FRMD4B: variants seen among roughly 807,000 people sequenced by gnomAD.
FRMD4B encodes FERM domain-containing protein 4B.
A neutral mutation model predicts 141.5 loss-of-function variants in FRMD4B; 74 were observed. The observed-to-expected ratio is 0.52, with a 90% CI of 0.43 to 0.63. The LOEUF (loss-of-function observed/expected upper bound fraction) is 0.63, where lower values mean the gene tolerates loss of function less well. Ranked by LOEUF, FRMD4B falls within the 30% of genes least tolerant of loss-of-function variation. FRMD4B has a pLI of 0.00. For synonymous variants in FRMD4B, 506 were observed against 467.9 expected (o/e 1.08, Z -1.05); for missense variants, 1,366 against 1,253.4 (o/e 1.09, Z -1.36).
intron 5 of FRMD4B, among the ~76,000 whole-genome samples, chr3:69,267,669 AGAGAGAGAGAGAGAGAGAGAGT>A (rs745541826): frequency 0.011 from 1,369 of 128,956 alleles, 27 homozygotes; most frequent in East Asian, 0.04. Flanking sequence ...AGAGAGAGAG[AGAGAGAGAGAGAGAGAGAGAGT>A]GTCTGTCTGT....
intron 1 of FRMD4B, among the ~76,000 whole-genome samples, chr3:69,325,418 A>G (rs948369819): frequency 6.6e-6 from 1 of 152,236 alleles, no homozygotes; most frequent in South Asian, 2.1e-4. Flanking sequence ...GCCTGATCTG[A>G]TAAGTCTGGT....
intron 11 of FRMD4B, chr3:69,199,279 A>AC (rs2092943500): frequency 6.5e-6 from 1 of 153,316 alleles, no homozygotes; most frequent in Admixed American, 6.5e-5. Context: ...CTCAAAAAAA[A>AC]CAAGATTCAC....
intron 1 of FRMD4B, among the ~76,000 whole-genome samples, chr3:69,488,065 A>G (rs969021464): frequency 3.9e-5 from 6 of 152,172 alleles, no homozygotes; most frequent in Non-Finnish European, 7.4e-5. Context: ...AGAACAAAAG[A>G]AAGAAAGAAA....
intron 3 of FRMD4B, among the ~76,000 whole-genome samples, chr3:69,307,903 T>A (rs1701446348): frequency 6.6e-6 from 1 of 152,152 alleles, no homozygotes; most frequent in South Asian, 2.1e-4. Flanking sequence ...TCACCTATGA[T>A]CTTGTCCCCA....
chr3:69,503,066 A>G (rs1706527974), intron 1 of FRMD4B, among the ~76,000 whole-genome samples: 1 of 152,216 alleles, frequency 6.6e-6, no homozygotes, highest in Non-Finnish European at 1.5e-5. Flanking sequence ...GAGAAATAGG[A>G]ACACTTTGAC....
intron 11 of FRMD4B, among the ~76,000 whole-genome samples, chr3:69,208,438 G>A (rs779849129): frequency 6.6e-6 from 1 of 152,140 alleles, no homozygotes; most frequent in Non-Finnish European, 1.5e-5. Flanking sequence ...GACCTCAAGT[G>A]ATCCGCCTAC....
Position 69,216,366 on chromosome 3 carries a change from CAT to C in FRMD4B, c.790-19_790-18del. The stretch of plus-strand genomic sequence containing the variant: ...TTGCTTATCCTAGAAGATGAAAAAG[CAT>C]GAGAACCAAGACCTAGCTGTTAACT... On this transcript the variant is annotated intron_variant, in intron 10 of 22. Coordinates refer to ENST00000398540, the MANE Select transcript of FRMD4B (RefSeq NM_015123.3). 2.3e-6 allele frequency: 3 copies of C among 1,323,150 alleles called. No homozygotes were observed. In the South Asian group the frequency reaches 3.7e-5, roughly 16 times the overall value. The allele number at this position is 1,323,150 out of a possible 1,614,324, so 82.0% of individuals were successfully genotyped here.
intron 1 of FRMD4B, among the ~76,000 whole-genome samples, chr3:69,343,650 G>A (rs1702826240): frequency 6.9e-6 from 1 of 145,006 alleles, no homozygotes; most frequent in Non-Finnish European, 1.5e-5. Context: ...TGTGATCCCG[G>A]CTCACTGCAA....
chr3:69,519,131 C>T (rs1406884997), intron 1 of FRMD4B, among the ~76,000 whole-genome samples: 1 of 152,088 alleles, frequency 6.6e-6, no homozygotes, highest in Non-Finnish European at 1.5e-5. Context: ...AACTTCAGCC[C>T]CTTTGAGTGG....
At chr3:69,433,368 TCTC>T (rs2106840873) in intron 1 of FRMD4B, among the ~76,000 whole-genome samples, 1 of 152,282 alleles carries the variant, frequency 6.6e-6, no homozygotes, top group East Asian at 1.9e-4. Flanking sequence ...TAAGCATGCT[TCTC>T]CTTTGTCACT....
chr3:69,411,223 T>C (rs1393217771), intron 2 of FRMD4B, among the ~76,000 whole-genome samples: 1 of 152,220 alleles, frequency 6.6e-6, no homozygotes, highest in African/African-American at 2.4e-5. Flanking sequence ...CATATGGTAT[T>C]CTAACTGTAA....
chr3:69,509,895 A>T (rs940167045), intron 1 of FRMD4B, among the ~76,000 whole-genome samples: 7 of 151,654 alleles, frequency 4.6e-5, no homozygotes, highest in African/African-American at 1.7e-4. Context: ...CAATCAAGCA[A>T]GTCACATGAT....
At chr3:69,537,215 AG>A (rs1450063677) in intron 1 of FRMD4B, among the ~76,000 whole-genome samples, 2 of 152,194 alleles carry the variant, frequency 1.3e-5, no homozygotes, top group Non-Finnish European at 1.5e-5. Context: ...CCCTGCTTCT[AG>A]GGCCCCTCTG....
At chr3:69,359,594 C>A (rs1251122049) in intron 1 of FRMD4B, among the ~76,000 whole-genome samples, 1 of 152,144 alleles carries the variant, frequency 6.6e-6, no homozygotes, top group African/African-American at 2.4e-5. Flanking sequence ...TCATATTCCC[C>A]TCTAGACAGA....
At chr3:69,510,062 C>T (rs1269716849) in intron 1 of FRMD4B, among the ~76,000 whole-genome samples, 4 of 151,956 alleles carry the variant, frequency 2.6e-5, no homozygotes, top group Non-Finnish European at 5.9e-5. Context: ...ACTGAACCTG[C>T]AGTATCTACA....
At chr3:69,269,783 C>T (rs577450236) in intron 5 of FRMD4B, among the ~76,000 whole-genome samples, 162 of 152,026 alleles carry the variant, frequency 1.1e-3, no homozygotes, top group Non-Finnish European at 2.1e-3. Flanking sequence ...TCACACCTGG[C>T]TAATTTTTGT....
At position 69,265,270 on chromosome 3, in the gene FRMD4B, ATATATATATATATATATATATAT is replaced by A. The variant is rs1326281627; in HGVS notation, c.502-15194_502-15172del. Among the ~76,000 whole-genome samples the A allele has an allele frequency of 2.0e-3, 40 of 20,234 alleles. 8 individuals carry two copies. Among genetic ancestry groups the A allele is most frequent in the African/African-American group, 6.8e-3 (35 of 5,184 alleles). The allele number at this position is 20,234 out of a possible 152,430, so 13.3% of individuals were successfully genotyped here. A position where few individuals can be genotyped will look rare whatever the true frequency, so the allele number is the denominator to read the frequency against. ...ACTCCATCTCAAAAAAAAAAAAAAAATATATATATATATATATATATATATATATATATATATATATATATGCA... is the reference window on the plus strand; with the variant it reads ...ACTCCATCTCAAAAAAAAAAAAAAAAATATATATATATATATATATATGCA... On this transcript the variant is annotated intron_variant, in intron 5 of 22. Transcript: ENST00000398540.
intron 2 of FRMD4B, among the ~76,000 whole-genome samples, chr3:69,416,884 T>A (rs919406130): frequency 1.3e-5 from 2 of 152,234 alleles, no homozygotes; most frequent in Non-Finnish European, 2.9e-5. Context: ...CATGAACTCA[T>A]TCTTTTTTAT....
chr3:69,253,825 C>T (rs138706556), intron 5 of FRMD4B, among the ~76,000 whole-genome samples: 1 of 152,322 alleles, frequency 6.6e-6, no homozygotes, highest in East Asian at 1.9e-4. Context: ...CAGGGGCTCA[C>T]ACCCATAATC....
Sources: allele counts gnomAD v4.1 joint callset (sites outside exome capture counted in the v4.1 genomes callset), GRCh38; gene constraint gnomAD v4.1.1; transcripts MANE v1.5; gene names NCBI Gene and HGNC (gene_info 2026-07-23, HGNC 2026-07-21).